ERBB4: variants seen among roughly 807,000 people sequenced by gnomAD.
ERBB4 encodes the protein receptor tyrosine-protein kinase erbB-4.
A neutral mutation model predicts 158.0 loss-of-function variants in ERBB4; 42 were observed. The ratio of observed to expected loss-of-function variants is 0.27; its 90% confidence interval spans 0.21 to 0.34. The LOEUF is 0.34. ERBB4 is among the 10% of genes least tolerant of loss of function. ERBB4 has a pLI of 1.00. For missense variants in ERBB4, 1,333 were observed against 1,624.1 expected (o/e 0.82, Z 3.08); for synonymous variants, 583 against 558.7 (o/e 1.04, Z -0.61).
chr2:212,373,117 G>A (rs928136464), intron 1 of ERBB4, among the ~76,000 whole-genome samples: 5 of 152,056 alleles, frequency 3.3e-5, no homozygotes, highest in Non-Finnish European at 5.9e-5. Flanking sequence ...TTATTAAGTG[G>A]TTAGTATATC....
chr2:212,421,350 T>C (rs951715411), intron 1 of ERBB4, among the ~76,000 whole-genome samples: 23 of 152,154 alleles, frequency 1.5e-4, no homozygotes, highest in African/African-American at 4.8e-4. Flanking sequence ...TAGGGTCACA[T>C]TGACAGCTGC....
chr2:212,072,940 A>AAACAAC (rs143177646), intron 2 of ERBB4, among the ~76,000 whole-genome samples: 1 of 151,650 alleles, frequency 6.6e-6, no homozygotes, highest in Non-Finnish European at 1.5e-5. Context: ...AGCACACATC[A>AAACAAC]AACAACAACA....
chr2:211,718,779 G>A (rs1295073656), intron 7 of ERBB4, among the ~76,000 whole-genome samples: 1 of 151,772 alleles, frequency 6.6e-6, no homozygotes, highest in African/African-American at 2.4e-5. Context: ...TAATGTGTTT[G>A]GAATAACTAG....
intron 4 of ERBB4, among the ~76,000 whole-genome samples, chr2:211,773,638 AT>A (rs1472249006): frequency 5.6e-5 from 5 of 89,636 alleles, no homozygotes; most frequent in East Asian, 5.4e-4. Flanking sequence ...ATATATATAT[AT>A]ATATATATAA....
At chr2:211,927,104 T>A (rs2080038689) in intron 3 of ERBB4, among the ~76,000 whole-genome samples, 1 of 152,170 alleles carries the variant, frequency 6.6e-6, no homozygotes, top group African/African-American at 2.4e-5. Context: ...ATAGAGAAGA[T>A]CTTTGTTTCC....
At chr2:212,261,486 G>A (rs754955349) in intron 1 of ERBB4, among the ~76,000 whole-genome samples, 9 of 152,018 alleles carry the variant, frequency 5.9e-5, no homozygotes, top group Middle Eastern at 3.2e-3. Flanking sequence ...AGAAGATAAC[G>A]TCCTGGACAA....
At chr2:212,088,840 G>A (rs971860783) in intron 2 of ERBB4, among the ~76,000 whole-genome samples, 5 of 152,012 alleles carry the variant, frequency 3.3e-5, no homozygotes, top group Non-Finnish European at 7.4e-5. Context: ...TCATACAATG[G>A]ACATGTGTTA....
chr2:211,689,204 T>G (rs1455028421), intron 12 of ERBB4, among the ~76,000 whole-genome samples: 1 of 152,178 alleles, frequency 6.6e-6, no homozygotes, highest in African/African-American at 2.4e-5. Flanking sequence ...AAATGGAATC[T>G]GTTTGTTTGA....
rs149150981 is a variant in ERBB4, at chr2:211,545,870, T to G, written c.2487+16033A>C. 5.3e-5 allele frequency among the ~76,000 whole-genome samples: 8 copies of G among 152,162 alleles called. No homozygotes were observed. The East Asian group carries it at 1.6e-3, about 30-fold the overall frequency. On this transcript the variant is annotated intron_variant, in intron 20 of 27. Transcript: ENST00000342788. ...TGGCTAGCTGATAGATGACTGTCAT[T>G]AAGCTAATCTTTTGTTCACTTTGTG...
At chr2:212,416,317 C>G (rs2091651216) in intron 1 of ERBB4, among the ~76,000 whole-genome samples, 1 of 152,114 alleles carries the variant, frequency 6.6e-6, no homozygotes, top group African/African-American at 2.4e-5. Context: ...CAGCTTCCTG[C>G]CTTTGATAGA....
intron 20 of ERBB4, among the ~76,000 whole-genome samples, chr2:211,546,129 T>C (rs2066934161): frequency 6.6e-6 from 1 of 151,228 alleles, no homozygotes; most frequent in Non-Finnish European, 1.5e-5. Flanking sequence ...TACGTAGAAA[T>C]AGTGTTTAGC....
intron 2 of ERBB4, among the ~76,000 whole-genome samples, chr2:211,949,258 A>G (rs11884015): frequency 0.05 from 7,587 of 152,204 alleles, 315 homozygotes; most frequent in African/African-American, 0.11. Flanking sequence ...TTTTAAAGAC[A>G]TAAATCAAAT....
chr2:211,587,408 G>A (rs1025104970), intron 19 of ERBB4, among the ~76,000 whole-genome samples: 1 of 152,098 alleles, frequency 6.6e-6, no homozygotes, highest in South Asian at 2.1e-4. Flanking sequence ...ATTCCAATAT[G>A]ACTAGTGTCC....
chr2:211,428,054 G>A (rs2063668938), intron 22 of ERBB4, among the ~76,000 whole-genome samples: 1 of 151,750 alleles, frequency 6.6e-6, no homozygotes, highest in East Asian at 1.9e-4. Flanking sequence ...GGGGCCTGTC[G>A]GTGGATGGAG....
At chr2:211,840,253 G>A (rs955460298) in intron 3 of ERBB4, among the ~76,000 whole-genome samples, 3 of 151,956 alleles carry the variant, frequency 2.0e-5, no homozygotes, top group East Asian at 1.9e-4. Context: ...TTGCACACTC[G>A]CTTTGCCTGC....
intron 1 of ERBB4, among the ~76,000 whole-genome samples, chr2:212,240,585 C>T (rs1158163332): frequency 7.5e-6 from 1 of 134,170 alleles, no homozygotes; most frequent in East Asian, 2.1e-4. Flanking sequence ...GTCAGCCGAG[C>T]CGAGATCGTG....
At chr2:211,587,253 G>A (rs1408427583) in intron 19 of ERBB4, among the ~76,000 whole-genome samples, 1 of 152,156 alleles carries the variant, frequency 6.6e-6, no homozygotes, top group Middle Eastern at 3.4e-3. Context: ...CTACTTGGGA[G>A]GCTGAGGCAA....
intron 3 of ERBB4, among the ~76,000 whole-genome samples, chr2:211,911,558 G>A (rs1284769499): frequency 1.3e-5 from 2 of 152,088 alleles, no homozygotes; most frequent in African/African-American, 4.8e-5. Context: ...GAGCCACCAT[G>A]CCCAGCCTAC....
intron 3 of ERBB4, among the ~76,000 whole-genome samples, chr2:211,942,350 ATT>A (rs2080525593): frequency 6.6e-6 from 1 of 150,478 alleles, no homozygotes; most frequent in Non-Finnish European, 1.5e-5. Flanking sequence ...TTATTTATTT[ATT>A]TATTTATTTA....
Sources: allele counts gnomAD v4.1 joint callset (sites outside exome capture counted in the v4.1 genomes callset), GRCh38; gene constraint gnomAD v4.1.1; transcripts MANE v1.5; gene names NCBI Gene and HGNC (gene_info 2026-07-23, HGNC 2026-07-21).